OPHN1: variants seen among roughly 807,000 people sequenced by gnomAD.
The protein encoded by OPHN1 is oligophrenin 1.
In OPHN1, 11 loss-of-function variants were observed where a neutral mutation model predicts 60.7. The ratio of observed to expected loss-of-function variants is 0.18; its 90% CI spans 0.11 to 0.30. OPHN1 has a LOEUF of 0.30. Ranked by LOEUF, OPHN1 falls within the 10% of genes least tolerant of loss-of-function variation. The pLI is 1.00. For missense variants in OPHN1, 449 were observed against 611.0 expected (o/e 0.73, Z 2.80); for synonymous variants, 226 against 222.6 (o/e 1.02, Z -0.14).
intron 2 of OPHN1, among the ~76,000 whole-genome samples, chrX:68,342,768 A>G (rs1241154175): frequency 9.1e-6 from 1 of 109,961 alleles, no homozygotes; most frequent in Non-Finnish European, 1.9e-5. Context: ...ATGGTAAGAT[A>G]CCATCTTTAT....
chrX:68,205,657 C>T (rs1405949881), intron 10 of OPHN1, among the ~76,000 whole-genome samples: 2 of 111,112 alleles, frequency 1.8e-5, no homozygotes, highest in Admixed American at 9.6e-5. Flanking sequence ...TCAACATGAG[C>T]AAGCCACACA....
chrX:68,266,598 T>G (rs1200753963), intron 5 of OPHN1, among the ~76,000 whole-genome samples: 8 of 111,499 alleles, frequency 7.2e-5, no homozygotes, highest in Non-Finnish European at 5.6e-5. Context: ...AGACTATCAA[T>G]GCTAGGAAGA....
rs1005989995 is a variant in OPHN1, at chrX:68,367,795, A to G, written c.154+65072T>C. The stretch of plus-strand genomic sequence containing the variant: ...AGTTCTCATGAGATCTGATGGTTTT[A>G]TAAGGGGCTTCCTCCTTCACTGGGC... On this transcript the variant is annotated intron_variant, in intron 2 of 24. Transcript: ENST00000355520. 2.7e-5 allele frequency among the ~76,000 whole-genome samples: 3 copies of G among 111,078 alleles called. No individual in the cohort carries two copies. In the Admixed American group the frequency reaches 2.9e-4, roughly 11 times the overall value.
intron 3 of OPHN1, among the ~76,000 whole-genome samples, chrX:68,289,484 T>C (rs181002245): frequency 8.0e-5 from 9 of 112,377 alleles, no homozygotes; most frequent in Admixed American, 1.9e-4. Flanking sequence ...AATTGACAAA[T>C]GTGGATCAAA....
At chrX:68,302,486 G>A (rs1395747214) in intron 2 of OPHN1, among the ~76,000 whole-genome samples, 2 of 109,951 alleles carry the variant, frequency 1.8e-5, no homozygotes, top group Non-Finnish European at 3.8e-5. Context: ...CTACTTGGGA[G>A]GCTGAAGCAG....
At chrX:68,343,274 CAA>C (rs368144274) in intron 2 of OPHN1, among the ~76,000 whole-genome samples, 1 of 62,617 alleles carries the variant, frequency 1.6e-5, no homozygotes, top group African/African-American at 4.8e-5. Flanking sequence ...AGCTCTGTCT[CAA>C]AAAAAAAAAG....
At chrX:68,281,603 T>A (rs762013461) in intron 4 of OPHN1, among the ~76,000 whole-genome samples, 1 of 111,483 alleles carries the variant, frequency 9.0e-6, no homozygotes, top group African/African-American at 3.3e-5. Context: ...ACCTATGCAA[T>A]GCAAAAGAGA....
chrX:68,141,117 C>T (rs915401804), intron 15 of OPHN1, among the ~76,000 whole-genome samples: 1 of 111,643 alleles, frequency 9.0e-6, no homozygotes, highest in Admixed American at 9.5e-5. Flanking sequence ...TGGCCATCCA[C>T]AGACTGCAGG....
At chrX:68,159,434 G>A (rs1347955932) in intron 15 of OPHN1, among the ~76,000 whole-genome samples, 1 of 111,852 alleles carries the variant, frequency 8.9e-6, no homozygotes, top group Non-Finnish European at 1.9e-5. Flanking sequence ...CAAAGTCAAT[G>A]TAGCAATCGG....
chrX:68,227,137 A>G (rs1477179661), intron 6 of OPHN1, among the ~76,000 whole-genome samples: 1 of 111,861 alleles, frequency 8.9e-6, no homozygotes. Flanking sequence ...TTTTAAACCA[A>G]CAAAGATCAA....
intron 15 of OPHN1, among the ~76,000 whole-genome samples, chrX:68,170,410 G>C (rs1287380987): frequency 1.9e-4 from 20 of 108,105 alleles, no homozygotes; most frequent in Non-Finnish European, 2.3e-4. Context: ...AATACCATTT[G>C]ACCCAGCCAT....
intron 14 of OPHN1, among the ~76,000 whole-genome samples, chrX:68,193,405 C>T (rs957543907): frequency 9.0e-6 from 1 of 111,494 alleles, no homozygotes; most frequent in Non-Finnish European, 1.9e-5. Flanking sequence ...AGGCCATTTC[C>T]TGCACCAAGA....
intron 5 of OPHN1, among the ~76,000 whole-genome samples, chrX:68,257,495 T>C (rs1239826676): frequency 9.0e-6 from 1 of 111,574 alleles, no homozygotes; most frequent in Non-Finnish European, 1.9e-5. Context: ...TGGTTTCCTG[T>C]TCTGTAAAAT....
At chrX:68,090,418 G>C (rs772256605) in intron 19 of OPHN1, among the ~76,000 whole-genome samples, 1 of 111,097 alleles carries the variant, frequency 9.0e-6, no homozygotes, top group South Asian at 3.8e-4. Context: ...CCAGAAATCA[G>C]TTGGAGGGAC....
chrX:68,311,834 T>C (rs1415427365), intron 2 of OPHN1, among the ~76,000 whole-genome samples: 1 of 111,547 alleles, frequency 9.0e-6, no homozygotes, highest in African/African-American at 3.3e-5. Flanking sequence ...AGTAAGGAAT[T>C]TGTGTACTTG....
At chrX:68,108,968 A>T (rs2077093075) in intron 18 of OPHN1, among the ~76,000 whole-genome samples, 1 of 111,798 alleles carries the variant, frequency 8.9e-6, no homozygotes, top group African/African-American at 3.2e-5. Flanking sequence ...CAGTATAATA[A>T]CCACTTTCAT....
At chrX:68,243,336 C>G (rs754041084) in intron 5 of OPHN1, among the ~76,000 whole-genome samples, 2 of 111,379 alleles carry the variant, frequency 1.8e-5, no homozygotes, top group Non-Finnish European at 3.8e-5. Context: ...ATCAATATTT[C>G]TGAATTACAC....
chrX:68,423,172 C>T (rs2078838574), intron 2 of OPHN1, among the ~76,000 whole-genome samples: 1 of 110,873 alleles, frequency 9.0e-6, no homozygotes, highest in Non-Finnish European at 1.9e-5. Context: ...ACTACAGGCG[C>T]CCACCACCAC....
At chrX:68,317,645 GA>G (rs2078215181) in intron 2 of OPHN1, among the ~76,000 whole-genome samples, 1 of 58,262 alleles carries the variant, frequency 1.7e-5, no homozygotes, top group African/African-American at 1.2e-4. Flanking sequence ...AAAAGAAAAA[GA>G]AGAAGAAGAA....
Sources: allele counts gnomAD v4.1 joint callset (sites outside exome capture counted in the v4.1 genomes callset), GRCh38; gene constraint gnomAD v4.1.1; transcripts MANE v1.5; gene names NCBI Gene and HGNC (gene_info 2026-07-23, HGNC 2026-07-21).